Variants in RPGRIP1 observed in about 807,000 individuals in gnomAD.
The protein encoded by RPGRIP1 is RPGR interacting protein 1, also known as X-linked retinitis pigmentosa GTPase regulator-interacting protein 1.
RPGRIP1 carries 128 observed loss-of-function variants against 157.9 expected under a neutral mutation model. That is an observed-to-expected ratio of 0.81 (90% CI 0.70 to 0.94). The LOEUF is 0.94. RPGRIP1 is among the 40% of genes least tolerant of loss of function. RPGRIP1 has a pLI of 0.00. For missense variants in RPGRIP1, 1,486 were observed against 1,545.8 expected (o/e 0.96, Z 0.65); for synonymous variants, 554 against 571.6 (o/e 0.97, Z 0.44).
chr14:21,321,126 G>A (rs1264151095), intron 12 of RPGRIP1, 133 bp from the exon 13 acceptor site: 2 of 864,218 alleles, frequency 2.3e-6, no homozygotes, highest in Non-Finnish European at 1.7e-6. Context: ...AAGTCATACA[G>A]GTCCTTGTTT....
chr14:21,332,611 C>T (rs1054958446), intron 20 of RPGRIP1, among the ~76,000 whole-genome samples: 1 of 152,170 alleles, frequency 6.6e-6, no homozygotes, highest in African/African-American at 2.4e-5. Flanking sequence ...ATTTACATTT[C>T]TTCAGGTATT....
intron 10 of RPGRIP1, among the ~76,000 whole-genome samples, chr14:21,315,368 G>A (rs1411771190): frequency 4.0e-5 from 6 of 151,800 alleles, no homozygotes; most frequent in South Asian, 2.1e-4. Context: ...TTAGCCAGGC[G>A]TGGTGGCAGG....
chr14:21,326,449 A>C (rs1234260125), intron 17 of RPGRIP1, among the ~76,000 whole-genome samples: 1 of 152,108 alleles, frequency 6.6e-6, no homozygotes, highest in African/African-American at 2.4e-5. Context: ...TATCTGAATA[A>C]ACTTCTTTGT....
chr14:21,330,359 A>G lies in RPGRIP1; in HGVS notation c.3210A>G (p.Lys1070=). 2 of 1,566,028 alleles carry G rather than the reference A, an allele frequency of 1.3e-6. No individual in the cohort carries two copies. The highest frequency in any genetic ancestry group is 1.7e-6 in the Non-Finnish European group (2 of 1,161,912). Residue 1070 remains lysine, a synonymous_variant, in exon 20 of 25, where the codon AAA becomes AAG. Transcript: ENST00000400017. ...EEMTLSHSAL[K]QKEPLHPVND... Reference sequence around the variant, plus strand: ...TGACATTATCCCATTCAGCACTGAAACAGAAGGAACCTCTACATCCTGTAA... The same window carrying G: ...TGACATTATCCCATTCAGCACTGAAGCAGAAGGAACCTCTACATCCTGTAA...
At position 21,321,360 on chromosome 14, in the gene RPGRIP1, G is replaced by C. The variant is rs775613696; in HGVS notation, c.1569G>C (p.Arg523Ser). 3.1e-6 allele frequency: 5 copies of C among 1,613,344 alleles called. 1 individual carries two copies. The East Asian group carries it at 1.1e-4, about 36-fold the overall frequency. ...CCACATTGGAACTAGAAAAGACCAG[G>C]GACATGCTTATTCTGCAGCGCAAAA... ...AETTLELEKT[R>S]DMLILQRKIN... The change falls in exon 13 of 25, where the codon AGG becomes AGC. Residue 523 changes from arginine to serine, a missense_variant. Physicochemically the swap from Arg to Ser is moderately radical, Grantham distance 110. Coordinates refer to ENST00000400017, the MANE Select transcript of RPGRIP1 (RefSeq NM_020366.4).
At chr14:21,342,718 G>A (rs1885143560) in intron 21 of RPGRIP1, among the ~76,000 whole-genome samples, 3 of 151,986 alleles carry the variant, frequency 2.0e-5, no homozygotes, top group Admixed American at 6.6e-5. Context: ...CCGCCGCTCC[G>A]AATCAGACAT....
At chr14:21,321,478 A>C (rs1307859693) in intron 13 of RPGRIP1, 76 bp downstream of exon 13, 3 of 1,542,450 alleles carry the variant, frequency 1.9e-6, no homozygotes. Context: ...GGAATGAAGC[A>C]AGACCTAAGT....
chr14:21,320,592 A>G, intron 12 of RPGRIP1, among the ~76,000 whole-genome samples: 1 of 84,132 alleles, frequency 1.2e-5, no homozygotes, highest in Non-Finnish European at 2.3e-5. Flanking sequence ...CGCCCGGCCC[A>G]CTCTTTTTTT....
chr14:21,282,890 G>A (rs1242586206), intron 1 of RPGRIP1, among the ~76,000 whole-genome samples: 2 of 151,916 alleles, frequency 1.3e-5, no homozygotes, highest in Non-Finnish European at 2.9e-5. Context: ...GATTACAGGC[G>A]TGAGCCACTG....
intron 10 of RPGRIP1, among the ~76,000 whole-genome samples, chr14:21,315,462 G>A (rs1489067942): frequency 1.3e-5 from 2 of 150,684 alleles, no homozygotes; most frequent in South Asian, 2.1e-4. Context: ...AGCCGAGATC[G>A]CGCCACTGCA....
intron 2 of RPGRIP1, among the ~76,000 whole-genome samples, chr14:21,294,140 A>T (rs1388795160): frequency 6.6e-6 from 1 of 151,926 alleles, no homozygotes; most frequent in Non-Finnish European, 1.5e-5. Flanking sequence ...TATCTAGAGA[A>T]TGTACTTTCT....
rs115467571 is a variant in RPGRIP1, at chr14:21,333,525, G to A, written c.3239-1080G>A. On this transcript the variant is annotated intron_variant, in intron 20 of 24. Transcript: ENST00000400017. ...TTGTCATTTCTTTGGCTCACTACTC[G>A]GCATGTTAGGCAGGTCTCATGAAGA... Among the ~76,000 whole-genome samples the A allele has an allele frequency of 5.7e-3, 865 of 152,164 alleles. 7 individuals carry two copies. The highest frequency in any genetic ancestry group is 0.02 in the African/African-American group (822 of 41,504).
At chr14:21,345,230 A>G (rs1885445094) in intron 23 of RPGRIP1, 33 bp downstream of exon 23, 1 of 1,479,070 alleles carries the variant, frequency 6.8e-7, no homozygotes, top group African/African-American at 1.4e-5. Flanking sequence ...GAAACAAAGG[A>G]GATATTGAGA....
chr14:21,291,681 A>C (rs998768787), intron 2 of RPGRIP1, among the ~76,000 whole-genome samples: 1 of 152,022 alleles, frequency 6.6e-6, no homozygotes, highest in African/African-American at 2.4e-5. Flanking sequence ...CCCAAGGCTC[A>C]AGCGATCCTC....
chr14:21,328,924 AC>A (rs1274738632), intron 19 of RPGRIP1, among the ~76,000 whole-genome samples: 1 of 152,002 alleles, frequency 6.6e-6, no homozygotes, highest in African/African-American at 2.4e-5. Context: ...TGGGTGGATC[AC>A]CTGAGGTCAG....
At chr14:21,327,290 C>T (rs930466102) in intron 17 of RPGRIP1, among the ~76,000 whole-genome samples, 2 of 152,158 alleles carry the variant, frequency 1.3e-5, no homozygotes, top group Non-Finnish European at 2.9e-5. Context: ...ACAACTAAGG[C>T]ACAGTAAGCA....
At chr14:21,298,641 G>A (rs1032500312) in intron 3 of RPGRIP1, among the ~76,000 whole-genome samples, 3 of 149,608 alleles carry the variant, frequency 2.0e-5, no homozygotes, top group Admixed American at 1.3e-4. Flanking sequence ...TAAGATCTTC[G>A]TTTAGAATCT....
chr14:21,288,728 G>A (rs1256051727), intron 2 of RPGRIP1, among the ~76,000 whole-genome samples: 1 of 151,842 alleles, frequency 6.6e-6, no homozygotes, highest in Non-Finnish European at 1.5e-5. Context: ...TGGCCAGGCT[G>A]ATCTCGAACT....
chr14:21,331,339 A>C (rs1042371316), intron 20 of RPGRIP1, among the ~76,000 whole-genome samples: 1 of 151,954 alleles, frequency 6.6e-6, no homozygotes, highest in Non-Finnish European at 1.5e-5. Context: ...CCTGACCAAC[A>C]TGATGAAACC....
Sources: gnomAD v4.1 joint callset for allele counts (sites outside exome capture counted in the v4.1 genomes callset) on GRCh38, gnomAD v4.1.1 for gene constraint, MANE v1.5 for transcripts, NCBI Gene and HGNC (gene_info 2026-07-23, HGNC 2026-07-21) for gene names.